The following ERBB4 variants were observed in gnomAD, a reference collection of about 807,000 sequenced individuals.
The protein encoded by ERBB4 is erb-b2 receptor tyrosine kinase 4.
A neutral mutation model predicts 158.0 loss-of-function variants in ERBB4; 42 were observed. That is an observed-to-expected ratio of 0.27 (90% CI 0.21 to 0.34). The LOEUF is 0.34. Among genes scored for constraint, ERBB4 ranks in the 10% least tolerant of loss-of-function variants. The probability of loss-of-function intolerance (pLI) is 1.00; values close to 1 mark genes in which losing one functional copy is unlikely to be tolerated. For missense variants in ERBB4, 1,333 were observed against 1,624.1 expected (o/e 0.82, Z 3.08); for synonymous variants, 583 against 558.7 (o/e 1.04, Z -0.61).
chr2:212,293,642 G>C (rs2086288637), intron 1 of ERBB4, among the ~76,000 whole-genome samples: 1 of 151,944 alleles, frequency 6.6e-6, no homozygotes, highest in African/African-American at 2.4e-5. Context: ...AAGGCCAGGA[G>C]ATCAAGACCA....
intron 2 of ERBB4, among the ~76,000 whole-genome samples, chr2:211,971,983 T>G (rs2081467420): frequency 6.6e-6 from 1 of 152,158 alleles, no homozygotes; most frequent in African/African-American, 2.4e-5. Flanking sequence ...TACCCCTGTT[T>G]GTGGATAACA....
chr2:211,898,580 G>A (rs1384403278), intron 3 of ERBB4, among the ~76,000 whole-genome samples: 1 of 152,130 alleles, frequency 6.6e-6, no homozygotes, highest in Non-Finnish European at 1.5e-5. Context: ...AATGACTGTA[G>A]AAATTTGCTA....
chr2:211,609,171 C>T (rs1332283399), intron 19 of ERBB4, among the ~76,000 whole-genome samples: 1 of 152,094 alleles, frequency 6.6e-6, no homozygotes, highest in African/African-American at 2.4e-5. Context: ...TCCCTCTTTC[C>T]CCAGACAGAG....
At chr2:212,416,173 C>T (rs1383815638) in intron 1 of ERBB4, among the ~76,000 whole-genome samples, 1 of 152,134 alleles carries the variant, frequency 6.6e-6, no homozygotes, top group South Asian at 2.1e-4. Flanking sequence ...TCTGTACAAA[C>T]TAAATCAACG....
chr2:211,672,096 G>T (rs2105936130), intron 14 of ERBB4, among the ~76,000 whole-genome samples: 1 of 152,236 alleles, frequency 6.6e-6, no homozygotes, highest in East Asian at 1.9e-4. Context: ...TTTAGATAAA[G>T]TTCCAGAGCA....
chr2:211,784,230 G>A (rs142707134), intron 4 of ERBB4, among the ~76,000 whole-genome samples: 1 of 152,256 alleles, frequency 6.6e-6, no homozygotes, highest in Non-Finnish European at 1.5e-5. Flanking sequence ...ATTGCAACTT[G>A]ACTCGTTAAA....
chr2:211,531,944 T>G (rs1490256947), intron 20 of ERBB4, among the ~76,000 whole-genome samples: 1 of 152,024 alleles, frequency 6.6e-6, no homozygotes, highest in Non-Finnish European at 1.5e-5. Flanking sequence ...AAAGAAAATC[T>G]GGTACATATT....
intron 1 of ERBB4, among the ~76,000 whole-genome samples, chr2:212,489,697 T>C (rs1307798429): frequency 2.0e-5 from 3 of 151,188 alleles, no homozygotes; most frequent in Non-Finnish European, 3.0e-5. Context: ...CTTCTCTTTT[T>C]GGGAATTGAG....
At chr2:211,741,452 T>TACACACACACAC (rs5838279) in intron 5 of ERBB4, among the ~76,000 whole-genome samples, 4,193 of 143,238 alleles carry the variant, frequency 0.029, 70 homozygotes, top group Middle Eastern at 0.038. Flanking sequence ...TATGTAGTTA[T>TACACACACACAC]ACACACACAC....
intron 3 of ERBB4, among the ~76,000 whole-genome samples, chr2:211,946,605 T>TTTTG (rs2080703777): frequency 7.8e-6 from 1 of 128,998 alleles, no homozygotes; most frequent in Non-Finnish European, 1.6e-5. Context: ...TTTTTTTTTT[T>TTTTG]GAGATGGAGT....
chr2:212,229,778 C>A (rs1158455948), intron 1 of ERBB4, among the ~76,000 whole-genome samples: 1 of 152,086 alleles, frequency 6.6e-6, no homozygotes, highest in Non-Finnish European at 1.5e-5. Context: ...TATTATTTTA[C>A]AGTATTTAAT....
intron 1 of ERBB4, among the ~76,000 whole-genome samples, chr2:212,537,291 G>C (rs1693140955): frequency 6.6e-6 from 1 of 151,950 alleles, no homozygotes; most frequent in Non-Finnish European, 1.5e-5. Flanking sequence ...CACCATCCCT[G>C]GATGGTTTCG....
At chr2:212,447,491 A>G (rs956950932) in intron 1 of ERBB4, among the ~76,000 whole-genome samples, 7 of 152,160 alleles carry the variant, frequency 4.6e-5, no homozygotes, top group African/African-American at 1.7e-4. Flanking sequence ...ATGAGCTAGT[A>G]TTTGTAGCAT....
In ERBB4 at chr2:211,630,498, T is replaced by C; in HGVS notation, c.2043A>G (p.Lys681=). ...FAVYVRRKSI[K]KKRALRRFLE... is the part of the protein sequence containing the mutation. ...AGAATCTTCTCAAGGCTCTTTTCTTTTTGATGCTCTTCCTTCTAACATAAA... is the reference window on the plus strand; with the variant it reads ...AGAATCTTCTCAAGGCTCTTTTCTTCTTGATGCTCTTCCTTCTAACATAAA... The change falls in exon 17 of 28, where the codon AAA becomes AAG. Residue 681 remains lysine (K), a synonymous_variant. Transcript: ENST00000342788. The C allele has an allele frequency of 2.5e-6, 4 of 1,613,584 alleles. No individual in the cohort carries two copies. The highest frequency in any genetic ancestry group is 3.4e-6 in the Non-Finnish European group (4 of 1,179,614).
At chr2:212,430,763 CAG>C (rs1043486738) in intron 1 of ERBB4, among the ~76,000 whole-genome samples, 14 of 152,108 alleles carry the variant, frequency 9.2e-5, no homozygotes, top group African/African-American at 3.4e-4. Context: ...TCATTGAGTA[CAG>C]AGTTATTTTC....
chr2:211,854,591 T>G (rs772378424), intron 3 of ERBB4, among the ~76,000 whole-genome samples: 8 of 152,150 alleles, frequency 5.3e-5, no homozygotes, highest in Non-Finnish European at 1.2e-4. Flanking sequence ...AGAGTTGGTA[T>G]GCTTTCATCT....
intron 1 of ERBB4, among the ~76,000 whole-genome samples, chr2:212,288,491 G>A (rs1033735904): frequency 6.6e-6 from 1 of 152,130 alleles, no homozygotes; most frequent in African/African-American, 2.4e-5. Context: ...TGCGCACTGG[G>A]GTGGAGCCTC....
intron 1 of ERBB4, among the ~76,000 whole-genome samples, chr2:212,239,875 A>T (rs1431604158): frequency 1.3e-5 from 2 of 152,242 alleles, no homozygotes; most frequent in Non-Finnish European, 2.9e-5. Context: ...CAAGCTTTTT[A>T]GAGGGGGAAA....
intron 3 of ERBB4, among the ~76,000 whole-genome samples, chr2:211,883,114 G>T (rs192736046): frequency 1.1e-3 from 162 of 152,268 alleles, no homozygotes; most frequent in Middle Eastern, 3.4e-3. Flanking sequence ...ATACTATGCA[G>T]CCATAAAAAA....
Sources: allele counts gnomAD v4.1 joint callset (sites outside exome capture counted in the v4.1 genomes callset), GRCh38; gene constraint gnomAD v4.1.1; transcripts MANE v1.5; gene names NCBI Gene and HGNC (gene_info 2026-07-23, HGNC 2026-07-21).